Variants in APOB observed in about 807,000 individuals in gnomAD.
APOB encodes apolipoprotein B, also known as apolipoprotein B-100.
A neutral mutation model predicts 314.1 loss-of-function variants in APOB; 153 were observed. That is an observed-to-expected ratio of 0.49 (90% CI 0.43 to 0.56). APOB has a LOEUF of 0.56. Ranked by LOEUF, APOB falls within the 20% of genes least tolerant of loss-of-function variation. The pLI is 0.00. For missense variants in APOB, 5,430 were observed against 5,350.7 expected (o/e 1.01, Z -0.46); for synonymous variants, 2,087 against 2,036.4 (o/e 1.02, Z -0.67).
Position 21,009,894 on chromosome 2 carries a change from A to G in APOB, c.6974T>C (p.Ile2325Thr), listed in dbSNP as rs1315050421. 18 of 1,613,894 alleles carry G rather than the reference A, an allele frequency of 1.1e-5. No homozygotes were observed. Among genetic ancestry groups the G allele is most frequent in the Admixed American group, 6.7e-5 (4 of 59,998 alleles). Residue 2325 changes from isoleucine to threonine, a missense_variant, in exon 26 of 29, where the codon ATT (isoleucine) becomes ACT (threonine). Ile to Thr is a moderately conservative substitution (Grantham distance 89). This residue lies in a region of APOB where 3,281 missense variants were observed against 3,171.0 expected (regional missense o/e 1.03). Coordinates refer to ENST00000233242, the MANE Select transcript of APOB (RefSeq NM_000384.3). ...EHVKHFVINL[I>T]GDFEVAEKIN... ...TTTCTCAGCTACTTCAAAATCCCCAATAAGATTTATAACAAAGTGTTTGAC... is the reference window on the plus strand; with the variant it reads ...TTTCTCAGCTACTTCAAAATCCCCAGTAAGATTTATAACAAAGTGTTTGAC...
chr2:21,037,035 T>G, intron 6 of APOB, 65 bp downstream of exon 6: 2 of 1,605,194 alleles, frequency 1.2e-6, no homozygotes, highest in South Asian at 2.2e-5. Context: ...AGCTCAAAAG[T>G]TCTGGAATTG....
intron 6 of APOB, 24 bp from the exon 7 acceptor site, chr2:21,035,732 C>A (rs1663988183): frequency 1.2e-6 from 2 of 1,613,114 alleles, no homozygotes; most frequent in East Asian, 2.2e-5. Context: ...TGGAGACGAG[C>A]ATTTTGATCA....
chr2:21,030,675 G>A (rs1243194776), intron 10 of APOB, among the ~76,000 whole-genome samples: 1 of 152,162 alleles, frequency 6.6e-6, no homozygotes, highest in Non-Finnish European at 1.5e-5. Context: ...TGCAGAATGG[G>A]AGAAAATATT....
Position 21,015,543 on chromosome 2 carries a change from C to A in APOB, c.3335G>T (p.Cys1112Phe). 3 of 1,612,258 alleles carry A rather than the reference C, an allele frequency of 1.9e-6. No individual in the cohort carries two copies. ...TEVALMGHLS[C>F]DTKEERKIKG... ...GATTTTTCTTTCTTCCTTTGTGTCACAACTATGGTAAAGAAAATCAGTTGG... is the reference window on the plus strand; with the variant it reads ...GATTTTTCTTTCTTCCTTTGTGTCAAAACTATGGTAAAGAAAATCAGTTGG... The change falls in exon 22 of 29, where the codon TGT becomes TTT. Residue 1112 changes from cysteine (C) to phenylalanine (F), a missense_variant and splice_region_variant. Cys to Phe is a radical substitution (Grantham distance 205). Around this residue, in one of 3 missense-constraint regions of APOB, gnomAD observed 2,085 missense variants for 2,079.7 expected, o/e 1.00. Transcript: ENST00000233242.
rs1663246845 is a variant in APOB, at chr2:21,009,523, T to C, written c.7345A>G (p.Arg2449Gly). ...AGAGCCTGAATTTCACCATTGAGTC[T>C]CTGAGTCACCTCACGGATTTTGTCA... Reference protein sequence around the residue: ...TNDKIREVTQRLNGEIQALEL... With the variant: ...TNDKIREVTQGLNGEIQALEL... Residue 2449 changes from arginine (R) to glycine (G), a missense_variant, in exon 26 of 29, where the codon AGA becomes GGA. Around this residue, in one of 3 missense-constraint regions of APOB, gnomAD observed 3,281 missense variants for 3,171.0 expected, o/e 1.03. Transcript: ENST00000233242. 6.2e-7 allele frequency: 1 copy of C among 1,613,988 alleles called. No individual in the cohort carries two copies. The highest frequency in any genetic ancestry group is 1.7e-5 in the Admixed American group (1 of 60,004).
chr2:21,023,473 A>T, intron 17 of APOB, 52 bp downstream of exon 17: 3 of 1,594,192 alleles, frequency 1.9e-6, no homozygotes, highest in Non-Finnish European at 2.6e-6. Flanking sequence ...CAAGAAATGC[A>T]CCCTGGAAGA....
chr2:21,014,426 C>A (rs372247981), intron 24 of APOB, 22 bp downstream of exon 24: 1 of 1,613,820 alleles, frequency 6.2e-7, no homozygotes. Flanking sequence ...GTTCAAGAAG[C>A]CTTGCTGCTT....
Position 21,009,204 on chromosome 2 carries a change from G to GTCC in APOB, c.7661_7663dup (p.Trp2554_Thr2555insArg). ...GTCAGTAAGGTTCTTAGCAGCAAGAGTCCACCAATCAGAAATGTAGGTGAC... is the reference window on the plus strand; with the variant it reads ...GTCAGTAAGGTTCTTAGCAGCAAGAGTCCTCCACCAATCAGAAATGTAGGTGAC... On this transcript the variant is annotated inframe_insertion, in exon 26 of 29. Coordinates refer to ENST00000233242, the MANE Select transcript of APOB (RefSeq NM_000384.3). 1 of 1,614,094 alleles carries GTCC rather than the reference G, an allele frequency of 6.2e-7. No homozygotes were observed. The highest frequency in any genetic ancestry group is 8.5e-7 in the Non-Finnish European group (1 of 1,179,966).
At position 21,008,306 on chromosome 2, in the gene APOB, T is replaced by C. The variant is rs1300726104; in HGVS notation, c.8562A>G (p.Ser2854=). Reference sequence around the variant, plus strand: ...CTGTGTGTAAACTTGCCACTGTGTTTGATTTTCCCTCAATAGCATTTCCAA... The same window carrying C: ...CTGTGTGTAAACTTGCCACTGTGTTCGATTTTCCCTCAATAGCATTTCCAA... The part of the protein sequence containing the change: ...LFFGNAIEGK[S]NTVASLHTEK... The change falls in exon 26 of 29, where the codon TCA becomes TCG. Residue 2854 remains serine (S), a synonymous_variant. Transcript: ENST00000233242. 1 of 1,613,244 alleles carries C rather than the reference T, an allele frequency of 6.2e-7. No individual in the cohort carries two copies. The highest frequency in any genetic ancestry group is 8.5e-7 in the Non-Finnish European group (1 of 1,179,416).
rs121918389 is a variant in APOB at position 21,012,439 on chromosome 2, G to C, written c.4429C>G (p.Gln1477Glu). ...ASVHLDSKKK[Q>E]HLFVKEVKID... The stretch of plus-strand genomic sequence containing the variant: ...TTGACTTCTTTGACAAACAAATGCT[G>C]TTTCTTTTTGGAGTCCAAATGAACT... Residue 1477 changes from glutamine to glutamate, a missense_variant, in exon 26 of 29, where the codon CAG becomes GAG. Physicochemically the swap from Gln to Glu is conservative, Grantham distance 29. Coordinates refer to ENST00000233242, the MANE Select transcript of APOB (RefSeq NM_000384.3). The C allele has an allele frequency of 3.7e-6, 6 of 1,614,136 alleles. No homozygotes were observed. The highest frequency in any genetic ancestry group is 1.3e-5 in the African/African-American group (1 of 75,048).
chr2:21,010,607 G>C lies in APOB; in HGVS notation c.6261C>G (p.Thr2087=), dbSNP rs61744855. 2.5e-6 allele frequency: 4 copies of C among 1,613,926 alleles called. No homozygotes were observed. The highest frequency in any genetic ancestry group is 1.3e-5 in the African/African-American group (1 of 74,888). The change falls in exon 26 of 29, where the codon ACC becomes ACG. Residue 2087 remains threonine, a synonymous_variant. Transcript: ENST00000233242. ...GTACGTTTTCCAGTACAACTATAATGGTTTGTCGATTCCTCTCAAAATATT... is the reference window on the plus strand; with the variant it reads ...GTACGTTTTCCAGTACAACTATAATCGTTTGTCGATTCCTCTCAAAATATT... The part of the protein sequence containing the change: ...LQEYFERNRQ[T]IIVVLENVQR...
chr2:21,018,447 C>T (rs1481249124), intron 20 of APOB, among the ~76,000 whole-genome samples: 3 of 152,190 alleles, frequency 2.0e-5, no homozygotes, highest in Non-Finnish European at 4.4e-5. Context: ...TCTCCCTGGT[C>T]TTTCTGCTCC....
Position 21,009,740 on chromosome 2 carries a change from C to A in APOB, c.7128G>T (p.Lys2376Asn). 6.2e-7 allele frequency: 1 copy of A among 1,613,906 alleles called. No individual in the cohort carries two copies. The highest frequency in any genetic ancestry group is 8.5e-7 in the Non-Finnish European group (1 of 1,179,918). The change falls in exon 26 of 29, where the codon AAG becomes AAT. Residue 2376 changes from lysine to asparagine, a missense_variant. Lys to Asn is a moderately conservative substitution (Grantham distance 94, BLOSUM62 0). Transcript: ENST00000233242. ...HQYKLKETIQ[K>N]LSNVLQQVKI... ...TAACTTGTTGTAGGACATTGCTTAG[C>A]TTCTGAATAGTCTCCTTCAACTTGT...
Position 21,011,507 on chromosome 2 carries a change from C to A in APOB, c.5361G>T (p.Gln1787His). 1.9e-6 allele frequency: 3 copies of A among 1,614,132 alleles called. No homozygotes were observed. In the Admixed American group the frequency reaches 5.0e-5, roughly 27 times the overall value. The part of the protein sequence containing the change: ...DKFYKQTVNL[Q>H]LQPYSLVTTL... ...TAGTTACCAGAGAATAGGGCTGTAG[C>A]TGTAAATTAACAGTTTGCTTATAAA... The change falls in exon 26 of 29, where the codon CAG becomes CAT. Residue 1787 changes from glutamine to histidine, a missense_variant. By Grantham distance (24) the Gln-to-His change is conservative (BLOSUM62 0). Coordinates refer to ENST00000233242, the MANE Select transcript of APOB (RefSeq NM_000384.3).
intron 21 of APOB, 114 bp from the exon 22 acceptor site, chr2:21,015,659 G>T: frequency 8.8e-7 from 1 of 1,135,120 alleles, no homozygotes; most frequent in Non-Finnish European, 1.3e-6. Context: ...GGATGGTTCA[G>T]AGAAACAGCC....
rs547734093 is a variant in APOB, at chr2:21,024,151, T to C, written c.2437-459A>G. The C allele has an allele frequency of 5.9e-4, 90 of 153,094 alleles. 5 individuals are homozygous for C. In the South Asian group the frequency reaches 0.019, roughly 31 times the overall value. The allele number at this position is 153,094 out of a possible 1,614,324, so 9.5% of individuals were successfully genotyped here. A position where few individuals can be genotyped will look rare whatever the true frequency, so the allele number is the denominator to read the frequency against. On this transcript the variant is annotated intron_variant, in intron 16 of 28. Transcript: ENST00000233242. ...TTTTATTTTTTAAATAATATTTCAATAAAATAGCTTGAGACCTGTTTTCTT... is the reference window on the plus strand; with the variant it reads ...TTTTATTTTTTAAATAATATTTCAACAAAATAGCTTGAGACCTGTTTTCTT...
In APOB at chr2:21,023,013, G is replaced by T; in HGVS notation, c.2634C>A (p.Ser878=). The T allele has an allele frequency of 3.7e-6, 6 of 1,614,112 alleles. No individual in the cohort carries two copies. Among genetic ancestry groups the T allele is most frequent in the Non-Finnish European group, 4.2e-6 (5 of 1,180,018 alleles). The change falls in exon 18 of 29, where the codon TCC becomes TCA. Residue 878 remains serine, a synonymous_variant. Transcript: ENST00000233242. ...NMQAELVAKP[S]VSVEFVTNMG... ...TATTTGTCACAAACTCCACAGACAC[G>T]GAGGGTTTTGCCACCAGTTCAGCCT...
chr2:21,034,391 C>A (rs1663952340), intron 8 of APOB, among the ~76,000 whole-genome samples: 1 of 152,112 alleles, frequency 6.6e-6, no homozygotes, highest in Non-Finnish European at 1.5e-5. Flanking sequence ...AAATACAATA[C>A]AATACTGGGT....
Position 21,030,021 on chromosome 2 carries a change from GAAT to G in APOB, c.1353-9_1353-7del. ...TAGGGTTTGTCTTATGATAGCTACA[GAAT>G]AAGAGAAGAGAGTCAGGACTTGGTA... On this transcript the variant is annotated splice_polypyrimidine_tract_variant and splice_region_variant and intron_variant, in intron 10 of 28. Transcript: ENST00000233242. The G allele has an allele frequency of 6.4e-7, 1 of 1,560,446 alleles. No individual in the cohort carries two copies. Among genetic ancestry groups the G allele is most frequent in the Non-Finnish European group, 8.8e-7 (1 of 1,131,092 alleles).
Sources: gnomAD v4.1 joint callset for allele counts (sites outside exome capture counted in the v4.1 genomes callset) on GRCh38, gnomAD v4.1.1 for gene constraint, gnomAD v4.1.1 regional missense constraint, MANE v1.5 for transcripts, NCBI Gene and HGNC (gene_info 2026-07-23, HGNC 2026-07-21) for gene names.